Variants in SPAG17 observed in about 807,000 individuals in gnomAD.
The protein encoded by SPAG17 is sperm associated antigen 17, also known as sperm-associated antigen 17.
In SPAG17, 169 loss-of-function variants were observed where a neutral mutation model predicts 273.6. That is an observed-to-expected ratio of 0.62 (90% confidence interval 0.55 to 0.70). The LOEUF is 0.70. SPAG17 is among the 30% of genes least tolerant of loss of function. SPAG17 has a pLI of 0.00. For synonymous variants in SPAG17, 825 were observed against 873.2 expected, an observed-to-expected ratio of 0.94 and a Z score of 0.97; for missense variants, 2,557 against 2,627.8, an observed-to-expected ratio of 0.97 and a Z score of 0.59.
In SPAG17 at chr1:118,179,470, C is replaced by A. The variant is rs553194977; in HGVS notation, c.87+5601G>T. ...ATGGATTGCAGACTTAAATCTAATACCTGAAACTATGAAATTATTAGAAGA... is the reference window on the plus strand; with the variant it reads ...ATGGATTGCAGACTTAAATCTAATAACTGAAACTATGAAATTATTAGAAGA... On this transcript the variant is annotated intron_variant, in intron 1 of 48. Transcript: ENST00000336338. Among the ~76,000 whole-genome samples the A allele has an allele frequency of 4.8e-4, 73 of 152,140 alleles. 2 individuals carry two copies. The South Asian group carries it at 0.014, about 29-fold the overall frequency.
At position 118,040,731 on chromosome 1, in the gene SPAG17, T is replaced by C; in HGVS notation, c.3165A>G (p.Lys1055=). ...QIEVEKTMFE[K]GPTFIKVRVV... ...TAACCAGTTGCTTTCAAAATGTACC[T>C]TTTTCAAACATTGTCTTTTCCACTT... The change falls in exon 22 of 49, where the codon AAA becomes AAG. Residue 1055 remains lysine, a splice_region_variant and synonymous_variant. Transcript: ENST00000336338. 6.4e-7 allele frequency: 1 copy of C among 1,574,772 alleles called. No individual in the cohort carries two copies. The highest frequency in any genetic ancestry group is 8.7e-7 in the Non-Finnish European group (1 of 1,143,944).
intron 47 of SPAG17, chr1:117,965,924 GC>G (rs1441707750): frequency 6.6e-6 from 1 of 152,134 alleles, no homozygotes; most frequent in Non-Finnish European, 1.5e-5. Flanking sequence ...CTTTCCTGTT[GC>G]CATGGTTTTG....
intron 3 of SPAG17, among the ~76,000 whole-genome samples, chr1:118,125,422 A>G (rs1180623607): frequency 2.0e-5 from 3 of 152,156 alleles, no homozygotes; most frequent in African/African-American, 4.8e-5. Context: ...TGAACTACAT[A>G]CAAGTTATTA....
At chr1:118,011,099 A>G (rs1659418913) in intron 30 of SPAG17, among the ~76,000 whole-genome samples, 1 of 152,172 alleles carries the variant, frequency 6.6e-6, no homozygotes. Context: ...GCAGCAAAAA[A>G]TGAATGCTTA....
chr1:118,096,740 G>C (rs890287281), intron 7 of SPAG17, among the ~76,000 whole-genome samples: 5 of 152,134 alleles, frequency 3.3e-5, no homozygotes, highest in Non-Finnish European at 7.3e-5. Context: ...AGGAAACTTA[G>C]AGTATGTTTC....
chr1:118,068,376 A>G (rs946426958), intron 17 of SPAG17, among the ~76,000 whole-genome samples: 1 of 152,146 alleles, frequency 6.6e-6, no homozygotes, highest in African/African-American at 2.4e-5. Flanking sequence ...TATGTAGGGT[A>G]TCATCTAGTA....
At chr1:118,172,688 A>C (rs969890939) in intron 1 of SPAG17, among the ~76,000 whole-genome samples, 1 of 152,228 alleles carries the variant, frequency 6.6e-6, no homozygotes, top group Non-Finnish European at 1.5e-5. Context: ...ATATGGGAAC[A>C]AAAGGCCCAT....
At position 118,006,814 on chromosome 1, in the gene SPAG17, G is replaced by A. The variant is rs767933872; in HGVS notation, c.4588-1212C>T. Among the ~76,000 whole-genome samples the A allele has an allele frequency of 1.4e-3, 212 of 152,340 alleles. 1 individual carries two copies. Among genetic ancestry groups the A allele is most frequent in the Non-Finnish European group, 2.6e-3 (176 of 68,020 alleles). On this transcript the variant is annotated intron_variant, in intron 31 of 48. Transcript: ENST00000336338. Reference sequence around the variant, plus strand: ...TTTTGATTACAGTTTTCTAGTGGGTGTGAAGTGATATCTCATTGCAGTTTG... The same window carrying A: ...TTTTGATTACAGTTTTCTAGTGGGTATGAAGTGATATCTCATTGCAGTTTG...
chr1:118,037,105 G>A (rs1418575286), intron 23 of SPAG17, among the ~76,000 whole-genome samples: 2 of 152,068 alleles, frequency 1.3e-5, no homozygotes, highest in African/African-American at 2.4e-5. Context: ...AGGTTAAAGT[G>A]AAGAGAGGAA....
chr1:118,179,490 A>G (rs917143777), intron 1 of SPAG17, among the ~76,000 whole-genome samples: 8 of 152,112 alleles, frequency 5.3e-5, no homozygotes, highest in African/African-American at 1.9e-4. Flanking sequence ...TGAAATTATT[A>G]GAAGAAAACA....
At chr1:117,975,290 C>G (rs1655013472) in intron 43 of SPAG17, among the ~76,000 whole-genome samples, 1 of 151,874 alleles carries the variant, frequency 6.6e-6, no homozygotes, top group East Asian at 1.9e-4. Context: ...AAGCCAAATG[C>G]CCCTGGGCTA....
intron 6 of SPAG17, among the ~76,000 whole-genome samples, 183 bp from the exon 7 acceptor site, chr1:118,098,034 T>G (rs925253648): frequency 1.3e-5 from 2 of 152,236 alleles, no homozygotes; most frequent in Non-Finnish European, 2.9e-5. Flanking sequence ...CAGAGAACTT[T>G]ATTTCTGAGA....
intron 43 of SPAG17, 99 bp from the exon 44 acceptor site, chr1:117,973,660 CTTTT>C (rs1200986489): frequency 1.7e-6 from 2 of 1,203,140 alleles, no homozygotes; most frequent in African/African-American, 3.1e-5. Flanking sequence ...AACTTGGAAA[CTTTT>C]TTTCTTTGCT....
At chr1:118,151,479 G>T in intron 1 of SPAG17, 110 bp from the exon 2 acceptor site, 1 of 1,072,302 alleles carries the variant, frequency 9.3e-7, no homozygotes, top group Non-Finnish European at 1.3e-6. Flanking sequence ...TTACTTGAAA[G>T]ACAGAGGTGA....
intron 4 of SPAG17, among the ~76,000 whole-genome samples, chr1:118,112,616 T>C (rs921572261): frequency 2.0e-5 from 3 of 152,114 alleles, no homozygotes; most frequent in African/African-American, 7.2e-5. Context: ...ATTTTCTTCA[T>C]GATATTTATA....
intron 1 of SPAG17, among the ~76,000 whole-genome samples, chr1:118,170,722 A>G (rs977098307): frequency 1.3e-5 from 2 of 152,202 alleles, no homozygotes; most frequent in Admixed American, 1.3e-4. Context: ...TACATGGCTG[A>G]CAATCAGGAT....
intron 48 of SPAG17, chr1:117,959,912 A>C (rs1652803000): frequency 6.5e-6 from 1 of 152,720 alleles, no homozygotes. Flanking sequence ...ATGCAGTGTC[A>C]TGGATCTTAG....
At chr1:118,010,184 A>T (rs895940561) in intron 30 of SPAG17, among the ~76,000 whole-genome samples, 3 of 152,226 alleles carry the variant, frequency 2.0e-5, no homozygotes, top group African/African-American at 7.2e-5. Flanking sequence ...ACTATAGTAA[A>T]TAACATATTG....
chr1:117,958,953 G>A lies in SPAG17; in HGVS notation c.*4846C>T, dbSNP rs777434802. 2.3e-5 allele frequency: 37 copies of A among 1,613,806 alleles called. No individual in the cohort carries two copies. Among genetic ancestry groups the A allele is most frequent in the Non-Finnish European group, 3.0e-5 (35 of 1,179,932 alleles). ...CACTAGCAATCAAATGCTTGTGCCA[G>A]TGATAGAAAAATTAAGGGAAACAAC... is the stretch of plus-strand genomic sequence containing the variant. On this transcript the variant is annotated intron_variant, in intron 48 of 48. Transcript: ENST00000336338.
Sources: gnomAD v4.1 joint callset for allele counts (sites outside exome capture counted in the v4.1 genomes callset) on GRCh38, gnomAD v4.1.1 for gene constraint, MANE v1.5 for transcripts, NCBI Gene and HGNC (gene_info 2026-07-23, HGNC 2026-07-21) for gene names.